The following RUNX2 variants were observed in gnomAD, a reference collection of about 807,000 sequenced individuals.
The protein encoded by RUNX2 is RUNX family transcription factor 2.
A neutral mutation model predicts 51.7 loss-of-function variants in RUNX2; 10 were observed. The ratio of observed to expected loss-of-function variants is 0.19; its 90% CI spans 0.12 to 0.33. The LOEUF (loss-of-function observed/expected upper bound fraction) is 0.33. Ranked by LOEUF, RUNX2 falls within the 10% of genes least tolerant of loss-of-function variation. RUNX2 has a pLI of 1.00. For synonymous variants in RUNX2, 276 were observed against 273.6 expected, an observed-to-expected ratio of 1.01 and a Z score of -0.09; for missense variants, 562 against 691.3, an observed-to-expected ratio of 0.81 and a Z score of 2.10.
chr6:45,462,559 G>A (rs143147730), intron 5 of RUNX2, among the ~76,000 whole-genome samples: 111 of 152,262 alleles, frequency 7.3e-4, no homozygotes, highest in African/African-American at 2.1e-3. Context: ...TGAATAATTC[G>A]TCAGGGCTAG....
At chr6:45,435,078 C>T (rs1798645701) in intron 4 of RUNX2, among the ~76,000 whole-genome samples, 1 of 152,162 alleles carries the variant, frequency 6.6e-6, no homozygotes, top group South Asian at 2.1e-4. Context: ...TCCTTAGGGT[C>T]TGATTTTGGC....
intron 5 of RUNX2, among the ~76,000 whole-genome samples, chr6:45,483,912 G>A (rs1800189848): frequency 6.6e-6 from 1 of 152,228 alleles, no homozygotes; most frequent in African/African-American, 2.4e-5. Flanking sequence ...GGAAATGAGA[G>A]TGACAACGCA....
At chr6:45,518,264 T>C (rs1801392610) in intron 7 of RUNX2, among the ~76,000 whole-genome samples, 1 of 150,116 alleles carries the variant, frequency 6.7e-6, no homozygotes, top group African/African-American at 2.4e-5. Context: ...TTATTAAATT[T>C]TATGGACCCT....
At chr6:45,342,364 C>T (rs1010890952) in intron 2 of RUNX2, among the ~76,000 whole-genome samples, 1 of 152,016 alleles carries the variant, frequency 6.6e-6, no homozygotes, top group South Asian at 2.1e-4. Flanking sequence ...TGGGTTCAAG[C>T]GATTCTCCTG....
chr6:45,475,071 C>T (rs1486872853), intron 5 of RUNX2, among the ~76,000 whole-genome samples: 1 of 149,886 alleles, frequency 6.7e-6, no homozygotes, highest in Admixed American at 6.7e-5. Context: ...CTGCAATGAG[C>T]CAAGATTGCA....
rs149916342 is a variant in RUNX2, at chr6:45,481,190, A to G, written c.686-10751A>G. 1.4e-3 allele frequency among the ~76,000 whole-genome samples: 213 copies of G among 152,344 alleles called. 1 individual carries two copies. The highest frequency in any genetic ancestry group is 4.7e-3 in the African/African-American group (195 of 41,570). Reference sequence around the variant, plus strand: ...GAGAAATAGAAAGGATCGCATGCTAAGGAAATTGAGCCAGGATCCAGGAAT... The same window carrying G: ...GAGAAATAGAAAGGATCGCATGCTAGGGAAATTGAGCCAGGATCCAGGAAT... On this transcript the variant is annotated intron_variant, in intron 5 of 8. Coordinates refer to ENST00000647337, the MANE Select transcript of RUNX2 (RefSeq NM_001024630.4).
At chr6:45,487,301 G>A in intron 5 of RUNX2, among the ~76,000 whole-genome samples, 1 of 152,090 alleles carries the variant, frequency 6.6e-6, no homozygotes, top group Non-Finnish European at 1.5e-5. Flanking sequence ...ACTGAGTCTG[G>A]TCCTGCCACT....
intron 2 of RUNX2, among the ~76,000 whole-genome samples, chr6:45,364,414 C>A (rs1416701751): frequency 6.6e-6 from 1 of 152,152 alleles, no homozygotes; most frequent in African/African-American, 2.4e-5. Flanking sequence ...AAACCTTCAA[C>A]AGATATATTC....
At chr6:45,371,005 T>C (rs1015010929) in intron 2 of RUNX2, among the ~76,000 whole-genome samples, 1 of 152,200 alleles carries the variant, frequency 6.6e-6, no homozygotes, top group African/African-American at 2.4e-5. Flanking sequence ...AAATGGCACA[T>C]AGCACACTTA....
In RUNX2 at chr6:45,392,754, C is replaced by T. The variant is rs967390525; in HGVS notation, c.59-29839C>T. Among the ~76,000 whole-genome samples the T allele has an allele frequency of 2.6e-5, 4 of 151,060 alleles. No individual in the cohort carries two copies. The East Asian group carries it at 7.8e-4, about 29-fold the overall frequency. ...TGCTGTTTGGTGTTCTCTGAGCTTC[C>T]TAGTCTAAGGTTTAGTGTCTCTCAT... On this transcript the variant is annotated intron_variant, in intron 2 of 8. Transcript: ENST00000647337.
intron 5 of RUNX2, among the ~76,000 whole-genome samples, chr6:45,440,253 T>C (rs1798803867): frequency 6.6e-6 from 1 of 152,206 alleles, no homozygotes; most frequent in Non-Finnish European, 1.5e-5. Context: ...GCTGGATTAT[T>C]TTTTTCCTCC....
intron 5 of RUNX2, among the ~76,000 whole-genome samples, chr6:45,487,387 C>G (rs1800315414): frequency 6.6e-6 from 1 of 152,168 alleles, no homozygotes; most frequent in Admixed American, 6.5e-5. Flanking sequence ...GCATGTTACT[C>G]TAAACTTTAG....
chr6:45,519,857 C>T (rs1193586531), intron 7 of RUNX2, among the ~76,000 whole-genome samples: 5 of 147,906 alleles, frequency 3.4e-5, no homozygotes, highest in African/African-American at 7.5e-5. Context: ...AGATGGAGTT[C>T]GCTCTTGTTG....
chr6:45,439,078 G>A (rs573045856), intron 5 of RUNX2, among the ~76,000 whole-genome samples: 27 of 152,258 alleles, frequency 1.8e-4, no homozygotes, highest in Admixed American at 1.1e-3. Context: ...ATAAAGTTTT[G>A]CCTCTACCCA....
At chr6:45,446,068 C>A (rs1413979311) in intron 5 of RUNX2, among the ~76,000 whole-genome samples, 6 of 152,150 alleles carry the variant, frequency 3.9e-5, no homozygotes, top group African/African-American at 7.2e-5. Context: ...TCGCAGACTG[C>A]ATGGCAGTAA....
chr6:45,433,950 C>G (rs958812122), intron 4 of RUNX2, among the ~76,000 whole-genome samples: 1 of 152,012 alleles, frequency 6.6e-6, no homozygotes, highest in Non-Finnish European at 1.5e-5. Flanking sequence ...TTGAAGCAGC[C>G]GGGACTTGGT....
rs559763687 is a variant in RUNX2 at position 45,377,686 on chromosome 6, G to A, written c.59-44907G>A. 450 of 152,396 alleles carry A rather than the reference G, an allele frequency of 3.0e-3. 4 individuals are homozygous for A. The highest frequency in any genetic ancestry group is 0.013 in the South Asian group (63 of 4,824). The allele number at this position is 152,396 out of a possible 1,614,324, so 9.4% of individuals were successfully genotyped here. On this transcript the variant is annotated intron_variant, in intron 2 of 8. Coordinates refer to ENST00000647337, the MANE Select transcript of RUNX2 (RefSeq NM_001024630.4). ...CCGGCGCGGGGGCCCAGCGACGCTG[G>A]GATCTCCGCTCTGCGTCCCTCCCGG... is the stretch of plus-strand genomic sequence containing the variant.
At chr6:45,521,118 C>T (rs779413006) in intron 7 of RUNX2, among the ~76,000 whole-genome samples, 5 of 152,016 alleles carry the variant, frequency 3.3e-5, no homozygotes, top group Non-Finnish European at 7.4e-5. Flanking sequence ...TCCTTATAAC[C>T]TAGCACAGTT....
chr6:45,388,379 T>C (rs1445993957), intron 2 of RUNX2, among the ~76,000 whole-genome samples: 1 of 152,238 alleles, frequency 6.6e-6, no homozygotes, highest in Non-Finnish European at 1.5e-5. Flanking sequence ...AACCAGAGGC[T>C]TGTTAAATTG....
Sources: gnomAD v4.1 joint callset for allele counts (sites outside exome capture counted in the v4.1 genomes callset) on GRCh38, gnomAD v4.1.1 for gene constraint, MANE v1.5 for transcripts, NCBI Gene and HGNC (gene_info 2026-07-23, HGNC 2026-07-21) for gene names.